Variants in AGBL1 observed in about 807,000 individuals in gnomAD.
AGBL1 encodes the protein AGBL carboxypeptidase 1, also known as cytosolic carboxypeptidase 4.
A neutral mutation model predicts 118.9 loss-of-function variants in AGBL1; 130 were observed. The observed-to-expected ratio is 1.09, with a 90% CI of 0.95 to 1.26. The LOEUF (loss-of-function observed/expected upper bound fraction) is 1.26. AGBL1 is among the 50% of genes most tolerant of loss of function. The pLI is 0.00. For missense variants in AGBL1, 1,584 were observed against 1,298.1 expected (o/e 1.22, Z -3.38); for synonymous variants, 555 against 478.9 (o/e 1.16, Z -2.08).
chr15:86,199,240 T>C (rs77561107), intron 5 of AGBL1, among the ~76,000 whole-genome samples: 1,870 of 152,248 alleles, frequency 0.012, 22 homozygotes, highest in East Asian at 0.059. Context: ...ATTATAATTC[T>C]TTCAACCACT....
At chr15:86,645,651 C>T (rs1258623809) in intron 21 of AGBL1, among the ~76,000 whole-genome samples, 6 of 152,060 alleles carry the variant, frequency 3.9e-5, no homozygotes, top group Non-Finnish European at 8.8e-5. Flanking sequence ...ATTAAGACAT[C>T]CTAGAATTTT....
chr15:86,504,409 ATAAT>A (rs1219530903), intron 18 of AGBL1, among the ~76,000 whole-genome samples: 1 of 151,590 alleles, frequency 6.6e-6, no homozygotes, highest in African/African-American at 2.4e-5. Context: ...TACATTTAAT[ATAAT>A]TACTGATTTT....
intron 21 of AGBL1, among the ~76,000 whole-genome samples, chr15:86,667,214 C>CTATGTATGTATG (rs769766717): frequency 5.6e-5 from 2 of 35,618 alleles, no homozygotes; most frequent in African/African-American, 9.2e-5. Context: ...ATGTATGTAT[C>CTATGTATGTATG]TATGTATGTA....
chr15:86,250,850 G>T (rs1280291480), intron 7 of AGBL1, among the ~76,000 whole-genome samples: 3 of 152,312 alleles, frequency 2.0e-5, no homozygotes, highest in African/African-American at 7.2e-5. Flanking sequence ...GAAGGCATGG[G>T]AGTCACTGGA....
At chr15:86,863,256 T>C (rs920768960) in intron 22 of AGBL1, among the ~76,000 whole-genome samples, 28 of 152,196 alleles carry the variant, frequency 1.8e-4, no homozygotes, top group Admixed American at 1.7e-3. Context: ...CTCATAGATA[T>C]TTCAGATGCT....
At chr15:86,504,486 G>GT (rs1393691382) in intron 18 of AGBL1, among the ~76,000 whole-genome samples, 2 of 151,182 alleles carry the variant, frequency 1.3e-5, no homozygotes, top group Non-Finnish European at 3.0e-5. Context: ...GTTTTTTGTT[G>GT]TTTTTTCATT....
At chr15:86,465,872 C>T (rs2082398801) in intron 18 of AGBL1, among the ~76,000 whole-genome samples, 1 of 152,144 alleles carries the variant, frequency 6.6e-6, no homozygotes, top group Non-Finnish European at 1.5e-5. Flanking sequence ...CCTCTCTGCC[C>T]TTGTGATATT....
At chr15:86,592,307 G>A (rs529292120) in intron 21 of AGBL1, among the ~76,000 whole-genome samples, 6 of 152,216 alleles carry the variant, frequency 3.9e-5, no homozygotes, top group South Asian at 2.1e-4. Flanking sequence ...AGAAAAAAAC[G>A]AATTCAGCCA....
intron 21 of AGBL1, among the ~76,000 whole-genome samples, chr15:86,555,985 A>T (rs755390601): frequency 6.6e-6 from 1 of 152,162 alleles, no homozygotes; most frequent in Non-Finnish European, 1.5e-5. Context: ...ATGTGTCTTG[A>T]TGGGAAGGGG....
chr15:86,770,783 C>T (rs1395883873), intron 22 of AGBL1, among the ~76,000 whole-genome samples: 4 of 151,944 alleles, frequency 2.6e-5, no homozygotes, highest in African/African-American at 9.7e-5. Context: ...TACTGAAGAC[C>T]ACAGAGGAGT....
chr15:86,191,321 C>G lies in AGBL1; in HGVS notation c.488+32295C>G, dbSNP rs535888049. On this transcript the variant is annotated intron_variant, in intron 5 of 22. Coordinates refer to ENST00000614907, the MANE Select transcript of AGBL1 (RefSeq NM_001386094.1). ...CAAGATTGCACCATTGCATTCCAGC[C>G]TGGGCGACAGGAGCAAAACTTTGTC... 9.2e-4 allele frequency among the ~76,000 whole-genome samples: 113 copies of G among 123,232 alleles called. 1 individual carries two copies. The highest frequency in any genetic ancestry group is 3.4e-3 in the South Asian group (13 of 3,828). The allele number at this position is 123,232 out of a possible 152,430, so 80.8% of individuals were successfully genotyped here.
intron 22 of AGBL1, among the ~76,000 whole-genome samples, chr15:86,789,907 G>C (rs1044473390): frequency 2.0e-5 from 3 of 152,126 alleles, no homozygotes; most frequent in Non-Finnish European, 1.5e-5. Context: ...TGTTTCTGGT[G>C]ATGAAAATAG....
At chr15:86,786,753 C>G (rs1192214147) in intron 22 of AGBL1, among the ~76,000 whole-genome samples, 2 of 152,146 alleles carry the variant, frequency 1.3e-5, no homozygotes, top group Non-Finnish European at 2.9e-5. Context: ...ATGCATGTTG[C>G]TACATGTAGA....
intron 18 of AGBL1, among the ~76,000 whole-genome samples, chr15:86,437,315 C>A (rs2142048215): frequency 6.6e-6 from 1 of 152,198 alleles, no homozygotes; most frequent in African/African-American, 2.4e-5. Flanking sequence ...GAAGCACTAG[C>A]CCAGTGATCA....
chr15:86,262,500 T>C (rs2079008100), intron 9 of AGBL1: 1 of 427,472 alleles, frequency 2.3e-6, no homozygotes. Context: ...ATGTGCTTTA[T>C]CAATTATGTA....
At chr15:86,308,834 T>C (rs112755421) in intron 17 of AGBL1, among the ~76,000 whole-genome samples, 122 of 152,346 alleles carry the variant, frequency 8.0e-4, no homozygotes, top group Non-Finnish European at 1.4e-3. Context: ...CTTTGTAGTA[T>C]ATTTTAAAAT....
intron 21 of AGBL1, among the ~76,000 whole-genome samples, chr15:86,594,270 A>G (rs1455830592): frequency 6.6e-6 from 1 of 152,018 alleles, no homozygotes; most frequent in Non-Finnish European, 1.5e-5. Context: ...TTCATGATTT[A>G]TTATCTTTTC....
At chr15:86,328,431 A>G (rs2080219823) in intron 17 of AGBL1, among the ~76,000 whole-genome samples, 1 of 152,232 alleles carries the variant, frequency 6.6e-6, no homozygotes, top group South Asian at 2.1e-4. Context: ...CTTAAAAAAA[A>G]TACAATTTAT....
At chr15:86,559,793 C>T (rs889338471) in intron 21 of AGBL1, among the ~76,000 whole-genome samples, 1 of 151,984 alleles carries the variant, frequency 6.6e-6, no homozygotes, top group African/African-American at 2.4e-5. Flanking sequence ...TGAAGCCAGA[C>T]AGATATGTTG....
Sources: allele counts gnomAD v4.1 joint callset (sites outside exome capture counted in the v4.1 genomes callset), GRCh38; gene constraint gnomAD v4.1.1; transcripts MANE v1.5; gene names NCBI Gene and HGNC (gene_info 2026-07-23, HGNC 2026-07-21).